Variants in MNAT1 observed in about 807,000 individuals in gnomAD.
MNAT1 encodes MNAT1 component of CDK activating kinase.
A neutral mutation model predicts 42.0 loss-of-function variants in MNAT1; 43 were observed. The ratio of observed to expected loss-of-function variants is 1.02; its 90% CI spans 0.80 to 1.32. The LOEUF is 1.32. Among genes scored for constraint, MNAT1 ranks in the 40% most tolerant of loss-of-function variants. MNAT1 has a pLI of 0.00. For synonymous variants in MNAT1, 118 were observed against 120.0 expected (o/e 0.98, Z 0.11); for missense variants, 306 against 350.4 (o/e 0.87, Z 1.01).
Position 60,784,201 on chromosome 14 carries a change from T to TTTTTTTTTTTTTC in MNAT1, c.90-12014_90-12013insTTTTTTTTTTCTT, listed in dbSNP as rs1435948099. Among the ~76,000 whole-genome samples the TTTTTTTTTTTTTC allele has an allele frequency of 2.6e-3, 370 of 143,940 alleles. 15 individuals carry two copies. Among genetic ancestry groups the TTTTTTTTTTTTTC allele is most frequent in the African/African-American group, 9.5e-3 (361 of 38,054 alleles). 94.4% of individuals were successfully genotyped at this position (143,940 alleles called of 152,430 possible). A position where few individuals can be genotyped will look rare whatever the true frequency, so the allele number is the denominator to read the frequency against. ...CTAATTTTTTTTTTTTTTTTTTTTTTTTAGTAGAGGCGAGGTTTTGCCATG... is the reference window on the plus strand; with the variant it reads ...CTAATTTTTTTTTTTTTTTTTTTTTTTTTTTTTTTTTTCTTAGTAGAGGCGAGGTTTTGCCATG... On this transcript the variant is annotated intron_variant, in intron 1 of 7. Coordinates refer to ENST00000261245, the MANE Select transcript of MNAT1 (RefSeq NM_002431.4).
intron 1 of MNAT1, among the ~76,000 whole-genome samples, chr14:60,747,025 G>A (rs1423101403): frequency 2.3e-5 from 3 of 133,098 alleles, no homozygotes; most frequent in Non-Finnish European, 3.2e-5. Flanking sequence ...TCGCTCTGTC[G>A]CCCAGTCTGG....
chr14:60,796,393 T>G, intron 2 of MNAT1, 24 bp downstream of exon 2: 1 of 1,598,082 alleles, frequency 6.3e-7, no homozygotes, highest in Non-Finnish European at 8.5e-7. Context: ...CTCGAATGAT[T>G]CAGTCAACAA....
chr14:60,781,658 G>T (rs1466729816), intron 1 of MNAT1, among the ~76,000 whole-genome samples: 1 of 151,808 alleles, frequency 6.6e-6, no homozygotes, highest in East Asian at 1.9e-4. Flanking sequence ...AATTTTTTTA[G>T]TTACTTTTAG....
intron 6 of MNAT1, among the ~76,000 whole-genome samples, chr14:60,845,207 T>TA (rs1397036830): frequency 6.6e-6 from 1 of 151,968 alleles, no homozygotes; most frequent in African/African-American, 2.4e-5. Flanking sequence ...GTTTTTTTTT[T>TA]ATGTGTTTCT....
chr14:60,743,463 A>G (rs2140285683), intron 1 of MNAT1, among the ~76,000 whole-genome samples: 1 of 151,762 alleles, frequency 6.6e-6, no homozygotes, highest in Non-Finnish European at 1.5e-5. Flanking sequence ...TAATTTTTGT[A>G]TTTTCAGTAG....
chr14:60,753,141 A>T (rs892022343), intron 1 of MNAT1, among the ~76,000 whole-genome samples: 3 of 152,120 alleles, frequency 2.0e-5, no homozygotes, highest in Non-Finnish European at 4.4e-5. Context: ...TTATTTTCTC[A>T]CGGTTCTTGT....
At chr14:60,937,101 A>G (rs1056181833) in intron 7 of MNAT1, among the ~76,000 whole-genome samples, 4 of 151,624 alleles carry the variant, frequency 2.6e-5, no homozygotes, top group Admixed American at 2.6e-4. Context: ...AATTTGTTTG[A>G]GTTCATTGTA....
chr14:60,765,030 CA>C (rs1452082069), intron 1 of MNAT1, among the ~76,000 whole-genome samples: 1 of 152,158 alleles, frequency 6.6e-6, no homozygotes, highest in Non-Finnish European at 1.5e-5. Context: ...GCGGGTGGAT[CA>C]CCTGAGGTCA....
At chr14:60,885,259 T>C (rs146019735) in intron 7 of MNAT1, among the ~76,000 whole-genome samples, 10 of 152,006 alleles carry the variant, frequency 6.6e-5, no homozygotes, top group African/African-American at 2.4e-4. Flanking sequence ...TCTGTTATTC[T>C]CCTTATGAAT....
chr14:60,870,697 G>A (rs2034307941), intron 6 of MNAT1, among the ~76,000 whole-genome samples: 1 of 152,086 alleles, frequency 6.6e-6, no homozygotes, highest in South Asian at 2.1e-4. Flanking sequence ...ATGGTGGATT[G>A]ATTTAAACCA....
chr14:60,803,142 G>T (rs895731863), intron 3 of MNAT1, among the ~76,000 whole-genome samples: 2 of 151,476 alleles, frequency 1.3e-5, no homozygotes, highest in Non-Finnish European at 2.9e-5. Flanking sequence ...TCACCATCTT[G>T]GCCAGGCTGA....
chr14:60,739,594 A>G (rs1051175656), intron 1 of MNAT1, among the ~76,000 whole-genome samples: 1 of 152,212 alleles, frequency 6.6e-6, no homozygotes, highest in Non-Finnish European at 1.5e-5. Flanking sequence ...GCTGCTAGCA[A>G]TTGAAGAAGC....
chr14:60,888,987 T>G, intron 7 of MNAT1, among the ~76,000 whole-genome samples: 1 of 132,402 alleles, frequency 7.6e-6, no homozygotes, highest in Non-Finnish European at 1.6e-5. Context: ...TGCTCATGGG[T>G]AGGAAGAATC....
At chr14:60,770,656 G>A (rs558904122) in intron 1 of MNAT1, among the ~76,000 whole-genome samples, 2 of 152,190 alleles carry the variant, frequency 1.3e-5, no homozygotes, top group South Asian at 4.2e-4. Context: ...TAACCCAGCA[G>A]TGGGATTGTG....
intron 7 of MNAT1, among the ~76,000 whole-genome samples, chr14:60,907,932 C>T (rs12891663): frequency 0.92 from 140,662 of 152,178 alleles, 65,544 homozygotes; most frequent in Non-Finnish European, 0.99. Flanking sequence ...TCCTAGTTAT[C>T]TGAATATCTG....
intron 7 of MNAT1, among the ~76,000 whole-genome samples, chr14:60,937,545 T>G (rs1228002803): frequency 6.6e-6 from 1 of 152,208 alleles, no homozygotes; most frequent in Non-Finnish European, 1.5e-5. Context: ...GTTGTAGATA[T>G]GTGGCATTAT....
In MNAT1 at chr14:60,911,697, A is replaced by C. The variant is rs148156363; in HGVS notation, c.809+31862A>C. On this transcript the variant is annotated intron_variant, in intron 7 of 7. Transcript: ENST00000261245. ...TGTGGTCTGAGAGACAGTTTGTTAT[A>C]ATTTTTGTTCTTTTACATTTGCTGA... Among the ~76,000 whole-genome samples the C allele has an allele frequency of 1.8e-3, 273 of 151,988 alleles. 1 individual carries two copies. Among genetic ancestry groups the C allele is most frequent in the African/African-American group, 6.2e-3 (256 of 41,466 alleles).
intron 6 of MNAT1, among the ~76,000 whole-genome samples, chr14:60,869,024 A>AT (rs1491452441): frequency 2.5e-5 from 2 of 80,592 alleles, no homozygotes; most frequent in Non-Finnish European, 5.9e-5. Flanking sequence ...TATTTTATAC[A>AT]TATATATATA....
intron 6 of MNAT1, among the ~76,000 whole-genome samples, chr14:60,822,898 A>G (rs1034592513): frequency 2.0e-5 from 3 of 152,094 alleles, no homozygotes; most frequent in African/African-American, 7.2e-5. Context: ...CTGGGACTAC[A>G]GGTGTGTGCC....
Sources: allele counts gnomAD v4.1 joint callset (sites outside exome capture counted in the v4.1 genomes callset), GRCh38; gene constraint gnomAD v4.1.1; transcripts MANE v1.5; gene names NCBI Gene and HGNC (gene_info 2026-07-23, HGNC 2026-07-21).